Variants in HEY1 observed in about 807,000 individuals in gnomAD.
HEY1 encodes the protein hairy/enhancer-of-split related with YRPW motif protein 1.
Under a neutral mutation model 28.7 loss-of-function variants are expected in HEY1, and 9 were observed. The ratio of observed to expected loss-of-function variants is 0.31; its 90% CI spans 0.19 to 0.55. HEY1 has a LOEUF of 0.55. HEY1 is among the 20% of genes least tolerant of loss of function. HEY1 has a pLI of 0.93. For synonymous variants in HEY1, 213 were observed against 175.6 expected (o/e 1.21, Z -1.68); for missense variants, 385 against 399.4 (o/e 0.96, Z 0.31).
In HEY1 at chr8:79,765,261, G is replaced by C; in HGVS notation, c.842C>G (p.Pro281Arg). 6.4e-7 allele frequency: 1 copy of C among 1,554,770 alleles called. No homozygotes were observed. Among genetic ancestry groups the C allele is most frequent in the Non-Finnish European group, 8.7e-7 (1 of 1,148,278 alleles). ...FHLLSPNALS[P>R]SAPTQAANLG... The stretch of plus-strand genomic sequence containing the variant: ...GTTTGCAGCCTGCGTGGGTGCTGAA[G>C]GGCTCAGTGCATTGGGAGACAGTAA... The change falls in exon 5 of 5, where the codon CCT becomes CGT. Residue 281 changes from proline to arginine, a missense_variant. Around this residue, in one of 3 missense-constraint regions of HEY1, gnomAD observed 223 missense variants for 215.9 expected, o/e 1.03. Transcript: ENST00000354724.
At position 79,766,911 on chromosome 8, in the gene HEY1, G is replaced by C. The variant is rs1360850432; in HGVS notation, c.249+98C>G. The C allele has an allele frequency of 3.2e-6, 4 of 1,253,892 alleles. No homozygotes were observed. In the Admixed American group the frequency reaches 7.0e-5, roughly 22 times the overall value. The allele number at this position is 1,253,892 out of a possible 1,614,324, so 77.7% of individuals were successfully genotyped here. ...TGTGTACGAATTCATCTAGGCACAA[G>C]CAACACAGCTATTTTCCAAGGCGGA... On this transcript the variant is annotated intron_variant, in intron 3 of 4. Transcript: ENST00000354724.
chr8:79,765,864 A>C (rs1807821842), intron 4 of HEY1, 93 bp from the exon 5 acceptor site: 1 of 1,095,772 alleles, frequency 9.1e-7, no homozygotes, highest in Admixed American at 2.7e-5. Context: ...AGATACCTGC[A>C]TCCCTTAAAA....
chr8:79,767,674 T>C lies in HEY1; in HGVS notation c.-11A>G, dbSNP rs759707661. ...GTGAGCTCGCTTCATGCTGGCTCCC[T>C]GGGGGTTCCTGGGGAGGGTCGGCGC... On this transcript the variant is annotated 5_prime_UTR_variant, in exon 1 of 5. Coordinates refer to ENST00000354724, the MANE Select transcript of HEY1 (RefSeq NM_012258.4). The C allele has an allele frequency of 1.3e-6, 2 of 1,578,470 alleles. No homozygotes were observed.
In HEY1 at chr8:79,765,200, G is replaced by T. The variant is rs150402060; in HGVS notation, c.903C>A (p.Ile301=). The T allele has an allele frequency of 6.5e-6, 10 of 1,544,270 alleles. No homozygotes were observed. The African/African-American group carries it at 1.4e-4, about 21-fold the overall frequency. Residue 301 remains isoleucine (I), a synonymous_variant, in exon 5 of 5, where the codon ATC becomes ATA. Transcript: ENST00000354724. ...GKPYRPWGTE[I]GAF ...CTACATCAGTTCTTTAAAAAGCTCC[G>T]ATCTCCGTCCCCCAAGGTCTATAGG... is the stretch of plus-strand genomic sequence containing the variant.
chr8:79,765,935 A>G lies in HEY1; in HGVS notation c.332-164T>C, dbSNP rs569600402. Among the ~76,000 whole-genome samples the G allele has an allele frequency of 9.9e-4, 151 of 152,374 alleles. 1 individual carries two copies. The highest frequency in any genetic ancestry group is 1.7e-3 in the Non-Finnish European group (116 of 68,034). On this transcript the variant is annotated intron_variant, in intron 4 of 4. Coordinates refer to ENST00000354724, the MANE Select transcript of HEY1 (RefSeq NM_012258.4). The stretch of plus-strand genomic sequence containing the variant: ...ATCAACAAAAATCTTTGCATTAATC[A>G]ACATAAGCAGAATGTGTTTGCTAAT...
At chr8:79,767,447 C>G (rs982072675) in intron 1 of HEY1, 128 bp downstream of exon 1, 21 of 1,142,716 alleles carry the variant, frequency 1.8e-5, no homozygotes, top group Non-Finnish European at 2.5e-5. Flanking sequence ...CAGGCTGCCG[C>G]CAGCCTGCGA....
At chr8:79,766,753 A>G in intron 3 of HEY1, 21 bp from the exon 4 acceptor site, 1 of 1,610,768 alleles carries the variant, frequency 6.2e-7, no homozygotes, top group Non-Finnish European at 8.5e-7. Flanking sequence ...GAATGGCAAA[A>G]GATTGATTTG....
intron 4 of HEY1, 120 bp downstream of exon 4, chr8:79,766,531 A>AC: frequency 6.5e-7 from 1 of 1,541,654 alleles, no homozygotes; most frequent in South Asian, 1.3e-5. Context: ...CACACACCAC[A>AC]CACCGTTCTC....
In HEY1 at chr8:79,765,605, T is replaced by G. The variant is rs1807813769; in HGVS notation, c.498A>C (p.Glu166Asp). ...SHLNNYASQR[E>D]AASGAHAGLG... is the part of the protein sequence containing the mutation. ...GGCCCGCGTGGGCGCCGCTCGCGGCTTCCCGCTGGGAAGCGTAGTTGTTGA... is the reference window on the plus strand; with the variant it reads ...GGCCCGCGTGGGCGCCGCTCGCGGCGTCCCGCTGGGAAGCGTAGTTGTTGA... Residue 166 changes from glutamate to aspartate, a missense_variant, in exon 5 of 5, where the codon GAA becomes GAC. This residue lies in a region of HEY1 where 223 missense variants were observed against 215.9 expected (regional missense o/e 1.03). Coordinates refer to ENST00000354724, the MANE Select transcript of HEY1 (RefSeq NM_012258.4). The G allele has an allele frequency of 6.2e-7, 1 of 1,613,972 alleles. No homozygotes were observed. The highest frequency in any genetic ancestry group is 1.3e-5 in the African/African-American group (1 of 74,930).
Position 79,766,522 on chromosome 8 carries a change from A to G in HEY1, c.331+129T>C, listed in dbSNP as rs369361144. The G allele has an allele frequency of 1.6e-5, 25 of 1,528,122 alleles. No individual in the cohort carries two copies. In the African/African-American group the frequency reaches 2.5e-4, roughly 15 times the overall value. 94.7% of individuals were successfully genotyped at this position (1,528,122 alleles called of 1,614,324 possible). ...CGAAAATGTACTGACAGGGAACTGCACACACCACACACCGTTCTCTCCCCA... is the reference window on the plus strand; with the variant it reads ...CGAAAATGTACTGACAGGGAACTGCGCACACCACACACCGTTCTCTCCCCA... On this transcript the variant is annotated intron_variant, in intron 4 of 4. Coordinates refer to ENST00000354724, the MANE Select transcript of HEY1 (RefSeq NM_012258.4).
intron 3 of HEY1, 118 bp downstream of exon 3, chr8:79,766,891 A>AC: frequency 2.5e-6 from 3 of 1,205,364 alleles, no homozygotes; most frequent in Middle Eastern, 2.0e-4. Context: ...GTATCTGTGT[A>AC]CGAATTCATC....
chr8:79,765,394 G>C lies in HEY1; in HGVS notation c.709C>G (p.Leu237Val). 1 of 1,604,930 alleles carries C rather than the reference G, an allele frequency of 6.2e-7. No homozygotes were observed. The highest frequency in any genetic ancestry group is 8.5e-7 in the Non-Finnish European group (1 of 1,175,814). The change falls in exon 5 of 5, where the codon CTC (leucine) becomes GTC (valine). Residue 237 changes from leucine (L) to valine (V), a missense_variant. Transcript: ENST00000354724. ...PALRAPPSGS[L>V]GPVLPVVTSA... ...GTGACCACAGGGAGCACCGGTCCGA[G>C]GCTGCCGCTAGGGGGCGCTCGCAAA...
rs1259143657 is a variant in HEY1, at chr8:79,766,723, T to C, written c.259A>G (p.Lys87Glu). 6.2e-7 allele frequency: 1 copy of C among 1,614,194 alleles called. No homozygotes were observed. Among genetic ancestry groups the C allele is most frequent in the African/African-American group, 1.3e-5 (1 of 75,052 alleles). The change falls in exon 4 of 5, where the codon AAG becomes GAG. Residue 87 changes from lysine (K) to glutamate (E), a missense_variant. Transcript: ENST00000354724. ...TGCAGGATCTCGGCTTTTTCTAGCT[T>C]AGCAGATCCCTAAAGATGAGAATGG... is the stretch of plus-strand genomic sequence containing the variant. ...PSAFEKQGSA[K>E]LEKAEILQMT...
intron 1 of HEY1, 130 bp downstream of exon 1, chr8:79,767,445 C>T (rs1311762826): frequency 4.3e-5 from 49 of 1,137,538 alleles, no homozygotes; most frequent in Non-Finnish European, 5.5e-5. Flanking sequence ...CGCAGGCTGC[C>T]GCCAGCCTGC....
rs1233321167 is a variant in HEY1 at position 79,764,167 on chromosome 8, G to A, written c.*1021C>T. ...AAATTAAATAAATCAAAGAGAAGGA[G>A]GCAGGAAAGCCCTTTTAAATACCTT... On this transcript the variant is annotated 3_prime_UTR_variant, in exon 5 of 5. Coordinates refer to ENST00000354724, the MANE Select transcript of HEY1 (RefSeq NM_012258.4). 2 of 210,446 alleles carry A rather than the reference G, an allele frequency of 9.5e-6. No homozygotes were observed. Among genetic ancestry groups the A allele is most frequent in the Admixed American group, 5.9e-5 (1 of 16,986 alleles). The allele number at this position is 210,446 out of a possible 1,614,324, so 13.0% of individuals were successfully genotyped here.
At chr8:79,767,469 C>T (rs1807874813) in intron 1 of HEY1, 106 bp downstream of exon 1, 1 of 1,218,574 alleles carries the variant, frequency 8.2e-7, no homozygotes, top group Non-Finnish European at 1.2e-6. Context: ...GCGCGGAGGT[C>T]AGCGCAGGGC....
Position 79,765,567 on chromosome 8 carries a change from G to T in HEY1, c.536C>A (p.Pro179His), listed in dbSNP as rs1215377061. 2 of 1,614,046 alleles carry T rather than the reference G, an allele frequency of 1.2e-6. No individual in the cohort carries two copies. The highest frequency in any genetic ancestry group is 1.7e-5 in the Admixed American group (1 of 60,008). ...GTGATGTCCGAAGACGGTCCCCCAG[G>T]GAATGTGTCCGAGGCCCGCGTGGGC... is the stretch of plus-strand genomic sequence containing the variant. Reference protein sequence around the residue: ...SGAHAGLGHIPWGTVFGHHPH... With the variant: ...SGAHAGLGHIHWGTVFGHHPH... Residue 179 changes from proline to histidine, a missense_variant, in exon 5 of 5, where the codon CCC (proline) becomes CAC (histidine). Physicochemically the swap from Pro to His is moderately conservative, Grantham distance 77. Transcript: ENST00000354724.
rs375865220 is a variant in HEY1, at chr8:79,765,427, C to A, written c.676G>T (p.Ala226Ser). 65 of 1,611,762 alleles carry A rather than the reference C, an allele frequency of 4.0e-5. No individual in the cohort carries two copies. Among genetic ancestry groups the A allele is most frequent in the Non-Finnish European group, 4.9e-5 (58 of 1,179,074 alleles). Residue 226 changes from alanine to serine, a missense_variant, in exon 5 of 5, where the codon GCG becomes TCG. By Grantham distance (99) the Ala-to-Ser change is moderately conservative. Around this residue, in one of 3 missense-constraint regions of HEY1, gnomAD observed 223 missense variants for 215.9 expected, o/e 1.03. Transcript: ENST00000354724. ...CTAGGGGGCGCTCGCAAAGCAGGCG[C>A]CTCCGGATGTGCCGAGCCCAGCCTG... is the stretch of plus-strand genomic sequence containing the variant. Reference protein sequence around the residue: ...QGRLGSAHPEAPALRAPPSGS... With the variant: ...QGRLGSAHPESPALRAPPSGS...
In HEY1 at chr8:79,766,646, T is replaced by G. The variant is rs551520408; in HGVS notation, c.331+5A>C. On this transcript the variant is annotated splice_donor_5th_base_variant and intron_variant, in intron 4 of 4. Transcript: ENST00000354724. Reference sequence around the variant, plus strand: ...CAGAGCCCCCACTAGGTCTAGGAGATGTACCTTTCCCTCCTGCCGTATGCA... The same window carrying G: ...CAGAGCCCCCACTAGGTCTAGGAGAGGTACCTTTCCCTCCTGCCGTATGCA... 4 of 1,614,176 alleles carry G rather than the reference T, an allele frequency of 2.5e-6. No homozygotes were observed. Among genetic ancestry groups the G allele is most frequent in the Admixed American group, 3.3e-5 (2 of 60,028 alleles).
Sources: allele counts gnomAD v4.1 joint callset (sites outside exome capture counted in the v4.1 genomes callset), GRCh38; gene constraint gnomAD v4.1.1; regional missense constraint gnomAD v4.1.1; transcripts MANE v1.5; gene names NCBI Gene and HGNC (gene_info 2026-07-23, HGNC 2026-07-21).